PAK1: variants seen among roughly 807,000 people sequenced by gnomAD.
PAK1 encodes the protein p21 (RAC1) activated kinase 1, also known as serine/threonine-protein kinase PAK 1.
Under a neutral mutation model 67.4 loss-of-function variants are expected in PAK1, and 29 were observed. The observed-to-expected ratio is 0.43, with a 90% CI of 0.32 to 0.59. The LOEUF is 0.59. Among genes scored for constraint, PAK1 ranks in the 20% least tolerant of loss-of-function variants. The pLI, the probability that PAK1 is intolerant of heterozygous loss-of-function variation, is 0.07. For missense variants in PAK1, 337 were observed against 670.7 expected (o/e 0.50, Z 5.50); for synonymous variants, 223 against 237.4 (o/e 0.94, Z 0.56).
the PAK1 span, among the ~76,000 whole-genome samples, chr11:77,490,194 A>G: frequency 6.8e-6 from 1 of 146,038 alleles, no homozygotes; most frequent in African/African-American, 2.6e-5. Context: ...CCATCTGAGA[A>G]ATGAGGAGCC....
chr11:77,364,000 T>C (rs996848047), intron 5 of PAK1, among the ~76,000 whole-genome samples: 1 of 152,262 alleles, frequency 6.6e-6, no homozygotes, highest in Non-Finnish European at 1.5e-5. Flanking sequence ...GCTGGAGATA[T>C]GGGCAATGCC....
intron 1 of PAK1, among the ~76,000 whole-genome samples, chr11:77,453,805 G>A (rs144405262): frequency 6.6e-6 from 1 of 152,274 alleles, no homozygotes; most frequent in East Asian, 1.9e-4. Context: ...ACCAGGCTGG[G>A]TGCGGTGGCT....
intron 7 of PAK1, 116 bp downstream of exon 7, chr11:77,355,552 G>A (rs1454682629): frequency 7.6e-6 from 6 of 784,792 alleles, no homozygotes; most frequent in Non-Finnish European, 1.3e-5. Flanking sequence ...AGCAGTCTGT[G>A]CCTAAGGTAC....
At chr11:77,326,962 A>G (rs1255694446) in intron 14 of PAK1, among the ~76,000 whole-genome samples, 2 of 152,248 alleles carry the variant, frequency 1.3e-5, no homozygotes, top group Non-Finnish European at 2.9e-5. Context: ...GCTGAAAACC[A>G]AGGCACGAGA....
the PAK1 span, among the ~76,000 whole-genome samples, chr11:77,493,445 A>ATTTTTT: frequency 2.7e-4 from 19 of 70,944 alleles, no homozygotes; most frequent in African/African-American, 2.1e-4. Flanking sequence ...TGCCCAGCTA[A>ATTTTTT]TTTTTTTTTT....
intron 1 of PAK1, among the ~76,000 whole-genome samples, chr11:77,410,278 C>G (rs1235329746): frequency 6.6e-6 from 1 of 152,158 alleles, no homozygotes; most frequent in Admixed American, 6.5e-5. Flanking sequence ...CCCCCACTTC[C>G]CATCTTGCTT....
At chr11:77,395,987 GCCATCTGATAC>G (rs1320460285) in intron 1 of PAK1, among the ~76,000 whole-genome samples, 1 of 152,124 alleles carries the variant, frequency 6.6e-6, no homozygotes, top group Non-Finnish European at 1.5e-5. Flanking sequence ...ACTCCCTGCA[GCCATCTGATAC>G]CCTAGTCAAG....
chr11:77,401,622 T>C (rs1276445769), intron 1 of PAK1, among the ~76,000 whole-genome samples: 1 of 152,170 alleles, frequency 6.6e-6, no homozygotes, highest in Non-Finnish European at 1.5e-5. Flanking sequence ...CTCACTATGC[T>C]TTCATGTTCC....
chr11:77,389,724 C>A (rs540196037), intron 2 of PAK1, among the ~76,000 whole-genome samples: 58 of 152,132 alleles, frequency 3.8e-4, no homozygotes, highest in Non-Finnish European at 7.4e-4. Flanking sequence ...TGTTGACTTG[C>A]AATAGTTCTT....
At chr11:77,512,834 C>A in the PAK1 span, among the ~76,000 whole-genome samples, 1 of 152,180 alleles carries the variant, frequency 6.6e-6, no homozygotes, top group Non-Finnish European at 1.5e-5. Flanking sequence ...TGGCTCACAC[C>A]TGTAATCTCA....
intron 1 of PAK1, among the ~76,000 whole-genome samples, chr11:77,393,471 AT>A (rs976903969): frequency 2.0e-5 from 3 of 151,848 alleles, no homozygotes; most frequent in African/African-American, 4.8e-5. Flanking sequence ...ATTAAAAAAA[AT>A]TTTTTTGGAG....
the PAK1 span, among the ~76,000 whole-genome samples, chr11:77,493,226 G>A: frequency 6.6e-6 from 1 of 150,728 alleles, no homozygotes; most frequent in East Asian, 1.9e-4. Context: ...GGCCTCCCAA[G>A]TAGCTGGGAT....
intron 1 of PAK1, among the ~76,000 whole-genome samples, chr11:77,458,280 G>C (rs544430322): frequency 6.6e-6 from 1 of 152,214 alleles, no homozygotes; most frequent in South Asian, 2.1e-4. Context: ...TTAGAACAAA[G>C]AACATCCGTC....
chr11:77,430,953 G>C (rs2138319343), intron 1 of PAK1, among the ~76,000 whole-genome samples: 1 of 152,326 alleles, frequency 6.6e-6, no homozygotes, highest in Admixed American at 6.5e-5. Flanking sequence ...GGCAGCATTA[G>C]ATTCTGATAG....
chr11:77,339,010 G>A (rs1325827845), intron 11 of PAK1, among the ~76,000 whole-genome samples: 1 of 151,998 alleles, frequency 6.6e-6, no homozygotes, highest in African/African-American at 2.4e-5. Flanking sequence ...CATTATGATG[G>A]TGGCTGTACA....
At chr11:77,376,091 G>T (rs192210929) in intron 4 of PAK1, among the ~76,000 whole-genome samples, 1 of 152,240 alleles carries the variant, frequency 6.6e-6, no homozygotes, top group Admixed American at 6.5e-5. Flanking sequence ...ATCAACTTTG[G>T]CAGAGTACAA....
At chr11:77,469,065 AC>A (rs1395510492) in intron 1 of PAK1, among the ~76,000 whole-genome samples, 7 of 152,226 alleles carry the variant, frequency 4.6e-5, no homozygotes, top group South Asian at 4.1e-4. Flanking sequence ...CACAAAAAAA[AC>A]ATACCAAATG....
At chr11:77,337,478 A>G in intron 11 of PAK1, 55 bp from the exon 12 acceptor site, 1 of 859,766 alleles carries the variant, frequency 1.2e-6, no homozygotes, top group Non-Finnish European at 1.9e-6. Context: ...ATAATACAGA[A>G]GACTTAATAG....
intron 1 of PAK1, among the ~76,000 whole-genome samples, chr11:77,409,375 C>G (rs1954148913): frequency 6.6e-6 from 1 of 152,092 alleles, no homozygotes; most frequent in Non-Finnish European, 1.5e-5. Context: ...AGTAGAGCCA[C>G]TATGGAGAAT....
Sources: allele counts gnomAD v4.1 joint callset (sites outside exome capture counted in the v4.1 genomes callset), GRCh38; gene constraint gnomAD v4.1.1; transcripts MANE v1.5; gene names NCBI Gene and HGNC (gene_info 2026-07-23, HGNC 2026-07-21).